Variants in RORA observed in about 807,000 individuals in gnomAD.
RORA encodes RAR related orphan receptor A, also known as nuclear receptor ROR-alpha.
Under a neutral mutation model 69.5 loss-of-function variants are expected in RORA, and 7 were observed. The observed-to-expected ratio is 0.10, with a 90% confidence interval of 0.06 to 0.19. RORA has a LOEUF of 0.19. Ranked by LOEUF, RORA falls within the 10% of genes least tolerant of loss-of-function variation. The probability of loss-of-function intolerance (pLI) is 1.00; values close to 1 mark genes in which losing one functional copy is unlikely to be tolerated. For synonymous variants in RORA, 261 were observed against 240.8 expected (o/e 1.08, Z -0.78); for missense variants, 457 against 663.0 (o/e 0.69, Z 3.41).
At chr15:61,113,670 T>TAC (rs1234320741) in intron 1 of RORA, among the ~76,000 whole-genome samples, 3 of 152,168 alleles carry the variant, frequency 2.0e-5, no homozygotes, top group Non-Finnish European at 4.4e-5. Flanking sequence ...TTTAAAATTC[T>TAC]ACACACACAC....
At chr15:60,966,153 CCTT>C (rs1566927566) in intron 1 of RORA, among the ~76,000 whole-genome samples, 1 of 152,174 alleles carries the variant, frequency 6.6e-6, no homozygotes, top group East Asian at 1.9e-4. Context: ...CTTCATATCA[CCTT>C]CTCTCTGTAT....
intron 1 of RORA, among the ~76,000 whole-genome samples, chr15:60,744,199 T>C (rs1003944908): frequency 2.6e-5 from 4 of 152,130 alleles, no homozygotes; most frequent in African/African-American, 7.2e-5. Flanking sequence ...CCGTAAGCTG[T>C]GGATGGAACT....
At chr15:61,033,414 A>AAAC (rs144578320) in intron 1 of RORA, among the ~76,000 whole-genome samples, 2 of 4,032 alleles carry the variant, frequency 5.0e-4, no homozygotes, top group Non-Finnish European at 1.1e-3. Context: ...TTCTGAAAAA[A>AAAC]AAAACAAAAA....
In RORA at chr15:60,497,412, T is replaced by C. The variant is rs952070213; in HGVS notation, c.*43A>G. On this transcript the variant is annotated 3_prime_UTR_variant, in exon 11 of 11. Coordinates refer to ENST00000335670, the MANE Select transcript of RORA (RefSeq NM_134261.3). ...GGTTAATTTTTTTGTTTGTTTTTCA[T>C]GTTTGTACTTCAGACATTCTAGAAG... The C allele has an allele frequency of 3.8e-6, 6 of 1,584,894 alleles. No homozygotes were observed. The African/African-American group carries it at 5.4e-5, about 14-fold the overall frequency.
intron 1 of RORA, among the ~76,000 whole-genome samples, chr15:60,834,816 C>A (rs759392189): frequency 2.0e-5 from 3 of 152,142 alleles, no homozygotes; most frequent in Non-Finnish European, 4.4e-5. Flanking sequence ...AGGCCCAATG[C>A]CTCGAGTTTT....
rs187021389 is a variant in RORA, at chr15:61,119,051, T to C, written c.166+110002A>G. On this transcript the variant is annotated intron_variant, in intron 1 of 10. Transcript: ENST00000335670. ...ACATGAGATGACAGCATGAGCTGGG[T>C]GTTGAAGTCGGGAAGATGCAGTTAA... Among the ~76,000 whole-genome samples the C allele has an allele frequency of 1.1e-4, 15 of 136,122 alleles. No individual in the cohort carries two copies. In the Admixed American group the frequency reaches 1.2e-3, roughly 11 times the overall value. The allele number at this position is 136,122 out of a possible 152,430, so 89.3% of individuals were successfully genotyped here.
intron 1 of RORA, among the ~76,000 whole-genome samples, chr15:60,847,436 G>C (rs1211967749): frequency 1.3e-5 from 2 of 152,130 alleles, no homozygotes; most frequent in South Asian, 4.2e-4. Flanking sequence ...AGAACCTCTG[G>C]AATTGGGGAT....
chr15:61,212,015 C>G (rs915468425), intron 1 of RORA: 7 of 152,186 alleles, frequency 4.6e-5, no homozygotes, highest in African/African-American at 1.7e-4. Flanking sequence ...AAAAAAAATT[C>G]TTTCACTTAG....
intron 2 of RORA, among the ~76,000 whole-genome samples, chr15:60,653,261 C>T (rs1456836118): frequency 6.6e-6 from 1 of 151,854 alleles, no homozygotes; most frequent in Non-Finnish European, 1.5e-5. Context: ...GCCACAGATA[C>T]AAGGTCGTCC....
chr15:60,919,774 C>G (rs181065051), intron 1 of RORA, among the ~76,000 whole-genome samples: 1 of 152,150 alleles, frequency 6.6e-6, no homozygotes, highest in Admixed American at 6.5e-5. Flanking sequence ...GTTTTCATTA[C>G]GGTTTTCTTT....
At chr15:60,839,168 G>A (rs1479433862) in intron 1 of RORA, among the ~76,000 whole-genome samples, 1 of 152,176 alleles carries the variant, frequency 6.6e-6, no homozygotes, top group East Asian at 1.9e-4. Flanking sequence ...AAAGTGCTGC[G>A]ATTACAGGCG....
chr15:60,962,260 C>T (rs1893434674), intron 1 of RORA, among the ~76,000 whole-genome samples: 2 of 152,194 alleles, frequency 1.3e-5, no homozygotes, highest in African/African-American at 2.4e-5. Context: ...ACAGACCGAG[C>T]GTAAGCCTGG....
chr15:60,530,631 A>G (rs1484766443), intron 3 of RORA: 1 of 152,260 alleles, frequency 6.6e-6, no homozygotes, highest in Non-Finnish European at 1.5e-5. Flanking sequence ...CATGACTAAC[A>G]GTAAAATGAA....
At position 60,654,247 on chromosome 15, in the gene RORA, C is replaced by G. The variant is rs1236249192; in HGVS notation, c.196+24410G>C. 3.9e-5 allele frequency among the ~76,000 whole-genome samples: 6 copies of G among 152,186 alleles called. No homozygotes were observed. The South Asian group carries it at 1.2e-3, about 32-fold the overall frequency. Reference sequence around the variant, plus strand: ...GTTTTGATTTGTACCCTAAAATGTTCCATGGTACACTGAACTGTTTTCAAG... The same window carrying G: ...GTTTTGATTTGTACCCTAAAATGTTGCATGGTACACTGAACTGTTTTCAAG... On this transcript the variant is annotated intron_variant, in intron 2 of 10. Transcript: ENST00000335670.
chr15:60,936,199 A>T (rs1595828219), intron 1 of RORA, among the ~76,000 whole-genome samples: 1 of 152,344 alleles, frequency 6.6e-6, no homozygotes, highest in Middle Eastern at 3.4e-3. Flanking sequence ...CCCTGGGGGA[A>T]GCCCTTCTTA....
At chr15:60,947,209 G>C (rs956949031) in intron 1 of RORA, among the ~76,000 whole-genome samples, 2 of 152,224 alleles carry the variant, frequency 1.3e-5, no homozygotes, top group African/African-American at 4.8e-5. Context: ...ACAGCTCATT[G>C]AGAACGGGCC....
intron 1 of RORA, among the ~76,000 whole-genome samples, chr15:60,818,593 G>T (rs187822753): frequency 3.9e-5 from 6 of 152,252 alleles, no homozygotes; most frequent in Admixed American, 2.6e-4. Context: ...GCCTTCAAAG[G>T]TCCCTTCTCT....
At chr15:60,892,392 G>A (rs1317240894) in intron 1 of RORA, among the ~76,000 whole-genome samples, 2 of 152,158 alleles carry the variant, frequency 1.3e-5, no homozygotes, top group African/African-American at 2.4e-5. Flanking sequence ...TAGTGAAGGA[G>A]CCAGTGAAGA....
chr15:60,747,696 C>A lies in RORA; in HGVS notation c.167-69010G>T, dbSNP rs139283173. Among the ~76,000 whole-genome samples, 50 of 152,158 alleles carry A rather than the reference C, an allele frequency of 3.3e-4. No individual in the cohort carries two copies. In the East Asian group the frequency reaches 9.1e-3, roughly 28 times the overall value. Reference sequence around the variant, plus strand: ...TTTTGAGATGCACAGTATGTGATTGCTGGAGGACACAAGCAAGGCAAGGAG... The same window carrying A: ...TTTTGAGATGCACAGTATGTGATTGATGGAGGACACAAGCAAGGCAAGGAG... On this transcript the variant is annotated intron_variant, in intron 1 of 10. Coordinates refer to ENST00000335670, the MANE Select transcript of RORA (RefSeq NM_134261.3).
Sources: allele counts gnomAD v4.1 joint callset (sites outside exome capture counted in the v4.1 genomes callset), GRCh38; gene constraint gnomAD v4.1.1; transcripts MANE v1.5; gene names NCBI Gene and HGNC (gene_info 2026-07-23, HGNC 2026-07-21).